ABCA3: variants seen among roughly 807,000 people sequenced by gnomAD.
ABCA3 encodes ATP binding cassette subfamily A member 3.
A neutral mutation model predicts 172.8 loss-of-function variants in ABCA3; 88 were observed. That is an observed-to-expected ratio of 0.51 (90% CI 0.43 to 0.61). The LOEUF (loss-of-function observed/expected upper bound fraction) is 0.61, where lower values mean the gene tolerates loss of function less well. ABCA3 is among the 20% of genes least tolerant of loss of function. ABCA3 has a pLI of 0.00. For missense variants in ABCA3, 2,164 were observed against 2,301.0 expected (o/e 0.94, Z 1.22); for synonymous variants, 1,066 against 983.8 (o/e 1.08, Z -1.56).
intron 1 of ABCA3, chr16:2,332,418 G>A (rs1024307754): frequency 1.7e-6 from 2 of 1,209,948 alleles, no homozygotes; most frequent in East Asian, 4.7e-5. Context: ...CATACAGGAT[G>A]AGGATGTCTT....
At chr16:2,282,268 T>TA (rs1206245802) in intron 26 of ABCA3, among the ~76,000 whole-genome samples, 1 of 152,200 alleles carries the variant, frequency 6.6e-6, no homozygotes, top group East Asian at 1.9e-4. Context: ...AGCTAATTTT[T>TA]AAAACTGTTT....
intron 1 of ABCA3, among the ~76,000 whole-genome samples, chr16:2,335,555 A>G (rs1193877203): frequency 1.3e-5 from 2 of 152,074 alleles, no homozygotes; most frequent in African/African-American, 4.8e-5. Context: ...CTGGCATGCG[A>G]TACCACACCC....
intron 17 of ABCA3, 117 bp from the exon 18 acceptor site, chr16:2,295,857 G>A (rs1373524309): frequency 1.4e-5 from 20 of 1,399,176 alleles, no homozygotes; most frequent in African/African-American, 2.8e-5. Flanking sequence ...CTAGAGAACC[G>A]GAGGTGGGCA....
At chr16:2,319,412 G>A (rs567131927) in intron 8 of ABCA3, among the ~76,000 whole-genome samples, 169 bp downstream of exon 8, 7 of 151,642 alleles carry the variant, frequency 4.6e-5, no homozygotes, top group African/African-American at 9.7e-5. Context: ...GTGAACCCGG[G>A]AGGCAGAGCT....
intron 20 of ABCA3, chr16:2,289,153 T>C: frequency 2.0e-6 from 1 of 499,848 alleles, no homozygotes. Flanking sequence ...TGTCGTTGGC[T>C]GCTAGAGAGC....
rs1315147958 is a variant in ABCA3 at position 2,284,959 on chromosome 16, C to T, written c.3523G>A (p.Asp1175Asn). Residue 1175 changes from aspartate to asparagine, a missense_variant, in exon 24 of 33, where the codon GAC becomes AAC. By Grantham distance (23) the Asp-to-Asn change is conservative (BLOSUM62 1). Transcript: ENST00000301732. This position sits in a 1 kb window ranked among gnomAD's most constrained non-coding sequence, Gnocchi z 5.9. ...KAFDVRAFTR[D>N]GHMADTLLLL... is the part of the protein sequence containing the mutation. ...AGCAGGGTGTCAGCCATGTGGCCGT[C>T]CCGCGTGAAGGCACGCACGTCGAAG... is the stretch of plus-strand genomic sequence containing the variant. 2 of 1,613,818 alleles carry T rather than the reference C, an allele frequency of 1.2e-6. No homozygotes were observed. The highest frequency in any genetic ancestry group is 1.7e-6 in the Non-Finnish European group (2 of 1,179,996).
At chr16:2,325,591 A>G (rs1464873528) in intron 5 of ABCA3, among the ~76,000 whole-genome samples, 1 of 152,156 alleles carries the variant, frequency 6.6e-6, no homozygotes, top group Admixed American at 6.5e-5. Flanking sequence ...TTAAGTCCCA[A>G]ATATCTGCTA....
At chr16:2,299,974 C>T (rs578123766) in intron 13 of ABCA3, 31 bp downstream of exon 13, 22 of 1,610,750 alleles carry the variant, frequency 1.4e-5, no homozygotes, top group East Asian at 4.5e-5. Context: ...CTGGCAGCCC[C>T]GGCCCTCCCT....
intron 11 of ABCA3, among the ~76,000 whole-genome samples, chr16:2,306,568 C>A (rs2093697917): frequency 6.6e-6 from 1 of 152,134 alleles, no homozygotes; most frequent in African/African-American, 2.4e-5. Flanking sequence ...CCCCCAAATT[C>A]ATGTGTTGGA....
At chr16:2,320,556 A>ATT (rs879654171) in intron 7 of ABCA3, among the ~76,000 whole-genome samples, 2 of 140,238 alleles carry the variant, frequency 1.4e-5, no homozygotes, top group Non-Finnish European at 1.6e-5. Context: ...CGCCCAGCTA[A>ATT]TTTTTTTTTT....
At chr16:2,330,771 T>C (rs191971753) in intron 1 of ABCA3, among the ~76,000 whole-genome samples, 23 of 149,076 alleles carry the variant, frequency 1.5e-4, no homozygotes, top group African/African-American at 5.7e-4. Context: ...CGATCTCTGT[T>C]CACTGCAAAC....
chr16:2,316,956 C>T (rs964363016), intron 10 of ABCA3, among the ~76,000 whole-genome samples: 1 of 152,198 alleles, frequency 6.6e-6, no homozygotes, highest in Non-Finnish European at 1.5e-5. Flanking sequence ...CACACAAAAT[C>T]CAGACAGGAA....
At position 2,279,199 on chromosome 16, in the gene ABCA3, G is replaced by A; in HGVS notation, c.4360-69C>T. The A allele has an allele frequency of 1.1e-5, 18 of 1,571,166 alleles. No individual in the cohort carries two copies. The highest frequency in any genetic ancestry group is 1.6e-5 in the Non-Finnish European group (18 of 1,158,456). The stretch of plus-strand genomic sequence containing the variant: ...AGCCTCCTTCCTCCAGAGGACCACG[G>A]GGACTACCCTTGAGGTGCCCACCAC... On this transcript the variant is annotated intron_variant, in intron 28 of 32. Transcript: ENST00000301732. This position sits in a 1 kb window ranked among gnomAD's most constrained non-coding sequence, Gnocchi z 4.4.
chr16:2,325,377 C>T (rs1016007724), intron 5 of ABCA3, among the ~76,000 whole-genome samples: 2 of 152,154 alleles, frequency 1.3e-5, no homozygotes, highest in Non-Finnish European at 2.9e-5. Flanking sequence ...CCCCGGGGTC[C>T]TCACAGCTCT....
intron 10 of ABCA3, among the ~76,000 whole-genome samples, chr16:2,315,642 T>C (rs2093714076): frequency 6.6e-6 from 1 of 152,012 alleles, no homozygotes; most frequent in African/African-American, 2.4e-5. Flanking sequence ...CACAGGAATG[T>C]CACATAGGAA....
At chr16:2,314,154 G>A (rs1204992586) in intron 10 of ABCA3, among the ~76,000 whole-genome samples, 1 of 152,158 alleles carries the variant, frequency 6.6e-6, no homozygotes, top group African/African-American at 2.4e-5. Flanking sequence ...TACGCCCAAA[G>A]AATGAAAAGC....
At chr16:2,314,066 G>A (rs1244064981) in intron 10 of ABCA3, among the ~76,000 whole-genome samples, 6 of 152,086 alleles carry the variant, frequency 3.9e-5, no homozygotes, top group Non-Finnish European at 2.9e-5. Flanking sequence ...CAGACACTGC[G>A]GGAAAGACAG....
chr16:2,278,504 G>C lies in ABCA3; in HGVS notation c.4548-46C>G, dbSNP rs753575759. On this transcript the variant is annotated intron_variant, in intron 29 of 32. Coordinates refer to ENST00000301732, the MANE Select transcript of ABCA3 (RefSeq NM_001089.3). The surrounding 1 kb of genome is among the most constrained non-coding windows in gnomAD (Gnocchi z 4.4). ...GGTGGGGGAATAAGGCTGAGAGTTA[G>C]CATTGGCTCCCATGTCCCAGTGGAG... 47 of 1,601,444 alleles carry C rather than the reference G, an allele frequency of 2.9e-5. No homozygotes were observed. The South Asian group carries it at 4.8e-4, about 16-fold the overall frequency.
chr16:2,276,688 C>T lies in ABCA3; in HGVS notation c.5101G>A (p.Glu1701Lys), dbSNP rs139954112. 3.9e-4 allele frequency: 629 copies of T among 1,613,550 alleles called. 2 individuals carry two copies. In the African/African-American group the frequency reaches 7.6e-3, roughly 20 times the overall value. The change falls in exon 33 of 33, where the codon GAG (glutamate) becomes AAG (lysine). Residue 1701 changes from glutamate to lysine, a missense_variant. Physicochemically the swap from Glu to Lys is moderately conservative, Grantham distance 56. Around this residue, in one of 3 missense-constraint regions of ABCA3, gnomAD observed 795 missense variants for 881.9 expected, o/e 0.90. Transcript: ENST00000301732. ...SFAHLQPPTA[E>K]EGR Reference sequence around the variant, plus strand: ...GCCGCCACCCCTCATCGCCCCTCCTCTGCGGTGGGCGGCTGCAGGTGGGCG... The same window carrying T: ...GCCGCCACCCCTCATCGCCCCTCCTTTGCGGTGGGCGGCTGCAGGTGGGCG...
Sources: allele counts gnomAD v4.1 joint callset (sites outside exome capture counted in the v4.1 genomes callset), GRCh38; gene constraint gnomAD v4.1.1; regional missense constraint gnomAD v4.1.1; non-coding constraint Gnocchi (gnomAD v3.1); transcripts MANE v1.5; gene names NCBI Gene and HGNC (gene_info 2026-07-23, HGNC 2026-07-21).